SMIM23: variants seen among roughly 807,000 people sequenced by gnomAD.
SMIM23 encodes small integral membrane protein 23, also known as CTB-78H18.1.
In SMIM23, 10 loss-of-function variants were observed where a neutral mutation model predicts 12.8. That is an observed-to-expected ratio of 0.78 (90% CI 0.48 to 1.32). The LOEUF (loss-of-function observed/expected upper bound fraction) is 1.32. SMIM23 is among the 40% of genes most tolerant of loss of function. SMIM23 has a pLI of 0.00. For synonymous variants in SMIM23, 78 were observed against 80.1 expected, an observed-to-expected ratio of 0.97 and a Z score of 0.14; for missense variants, 184 against 198.2, an observed-to-expected ratio of 0.93 and a Z score of 0.43.
the SMIM23 span, among the ~76,000 whole-genome samples, chr5:171,775,270 A>C: frequency 1.3e-5 from 2 of 152,182 alleles, no homozygotes; most frequent in African/African-American, 4.8e-5. Context: ...AGAGAAAGAA[A>C]CATCTGGAAT....
upstream of SMIM23, among the ~76,000 whole-genome samples, chr5:171,779,066 C>G (rs966674066): frequency 2.6e-5 from 4 of 152,202 alleles, no homozygotes; most frequent in Non-Finnish European, 4.4e-5. Context: ...TAGGGACAAG[C>G]CTCGTTTGAG....
chr5:171,784,454 G>A (rs867350986), upstream of SMIM23, among the ~76,000 whole-genome samples: 36 of 151,958 alleles, frequency 2.4e-4, no homozygotes, highest in African/African-American at 7.0e-4. Flanking sequence ...GCAGTGAGCC[G>A]AGATCGTGCC....
intron 1 of SMIM23, among the ~76,000 whole-genome samples, chr5:171,788,254 A>G (rs944327214): frequency 1.3e-5 from 2 of 152,062 alleles, no homozygotes; most frequent in African/African-American, 4.8e-5. Flanking sequence ...ACATTAGCAG[A>G]AAAAGAAGAA....
the SMIM23 span, chr5:171,774,542 G>T: frequency 4.4e-6 from 2 of 456,176 alleles, no homozygotes; most frequent in Non-Finnish European, 8.8e-6. Context: ...TTGTGGGTTT[G>T]AAGTTCCTTG....
At chr5:171,790,095 T>A (rs1020073310) in intron 1 of SMIM23, 135 bp from the exon 2 acceptor site, 2 of 798,170 alleles carry the variant, frequency 2.5e-6, no homozygotes, top group African/African-American at 3.5e-5. Context: ...GTGACTTAGA[T>A]AACTAGAACA....
chr5:171,778,678 C>T (rs1465888526), upstream of SMIM23, among the ~76,000 whole-genome samples: 1 of 152,170 alleles, frequency 6.6e-6, no homozygotes, highest in African/African-American at 2.4e-5. Context: ...TGACTTTAGA[C>T]TTATGGTTTC....
At chr5:171,778,451 A>T (rs1202509695), upstream of SMIM23, among the ~76,000 whole-genome samples, 1,441 of 28,958 alleles carry the variant, frequency 0.05, 22 homozygotes, top group South Asian at 0.18. Flanking sequence ...AAAATTTCAC[A>T]CACACACACA....
chr5:171,777,957 T>C (rs1303971995), upstream of SMIM23, among the ~76,000 whole-genome samples: 1 of 152,188 alleles, frequency 6.6e-6, no homozygotes, highest in Non-Finnish European at 1.5e-5. Flanking sequence ...AGTAGTGGGC[T>C]GAGAAAAGCC....
chr5:171,774,392 C>CAGAA, the SMIM23 span: 1 of 456,254 alleles, frequency 2.2e-6, no homozygotes, highest in Non-Finnish European at 4.4e-6. Flanking sequence ...CGCAGGGTTA[C>CAGAA]ACAGGCAGTT....
intron 1 of SMIM23, among the ~76,000 whole-genome samples, chr5:171,789,193 A>T (rs181903): frequency 6.6e-6 from 1 of 152,214 alleles, no homozygotes; most frequent in African/African-American, 2.4e-5. Flanking sequence ...TCAACAAAAT[A>T]GTAGCTTATC....
upstream of SMIM23, among the ~76,000 whole-genome samples, chr5:171,781,279 T>C (rs1755721239): frequency 6.6e-6 from 1 of 152,198 alleles, no homozygotes; most frequent in Admixed American, 6.5e-5. Flanking sequence ...GCCAATCATG[T>C]TCAAGATGGC....
chr5:171,789,309 C>T (rs1755879556), intron 1 of SMIM23, among the ~76,000 whole-genome samples: 2 of 152,184 alleles, frequency 1.3e-5, no homozygotes, highest in South Asian at 4.1e-4. Context: ...ATGCAATTTA[C>T]CACAAAAATG....
intron 3 of SMIM23, 57 bp from the exon 4 acceptor site, chr5:171,790,738 G>A: frequency 7.2e-6 from 11 of 1,523,290 alleles, no homozygotes; most frequent in Middle Eastern, 1.7e-4. Context: ...AGTGGGGATG[G>A]GGAGGAGGGT....
chr5:171,776,773 A>G, the SMIM23 span, among the ~76,000 whole-genome samples: 1 of 152,210 alleles, frequency 6.6e-6, no homozygotes, highest in Non-Finnish European at 1.5e-5. Flanking sequence ...TGAGGAATTC[A>G]ACAACCCCAC....
At chr5:171,782,481 G>C (rs1032770902), upstream of SMIM23, 2 of 152,238 alleles carry the variant, frequency 1.3e-5, no homozygotes, top group Non-Finnish European at 2.9e-5. Context: ...TTGCCGGGCA[G>C]TTAGGAGAAT....
the SMIM23 span, chr5:171,774,370 G>A: frequency 2.4e-3 from 1,072 of 455,584 alleles, 9 homozygotes; most frequent in African/African-American, 0.018. Context: ...CAGAGAGACA[G>A]GAAGGAGCCC....
chr5:171,774,659 G>A, the SMIM23 span: 1 of 444,022 alleles, frequency 2.3e-6, no homozygotes, highest in African/African-American at 2.1e-5. Context: ...TGGTCTCAAG[G>A]CTCGCCCACA....
chr5:171,789,938 A>T (rs1210921594), intron 1 of SMIM23, among the ~76,000 whole-genome samples: 1 of 152,256 alleles, frequency 6.6e-6, no homozygotes, highest in Non-Finnish European at 1.5e-5. Flanking sequence ...GTTTTATTAT[A>T]TGTAAATTAT....
chr5:171,773,267 G>A, the SMIM23 span, among the ~76,000 whole-genome samples: 3 of 152,212 alleles, frequency 2.0e-5, no homozygotes, highest in South Asian at 4.2e-4. Context: ...GGCTCAATGA[G>A]ATGATACTCC....
Sources: allele counts gnomAD v4.1 joint callset (sites outside exome capture counted in the v4.1 genomes callset), GRCh38; gene constraint gnomAD v4.1.1; transcripts MANE v1.5; gene names NCBI Gene and HGNC (gene_info 2026-07-23, HGNC 2026-07-21).